PCDHA11: variants seen among roughly 807,000 people sequenced by gnomAD.
The protein encoded by PCDHA11 is protocadherin alpha 11, also known as protocadherin alpha-11.
Under a neutral mutation model 70.3 loss-of-function variants are expected in PCDHA11, and 61 were observed. The observed-to-expected ratio is 0.87, with a 90% CI of 0.71 to 1.07. PCDHA11 has a LOEUF of 1.07. Ranked by LOEUF, PCDHA11 falls within the 50% of genes least tolerant of loss-of-function variation. The pLI, the probability that PCDHA11 is intolerant of heterozygous loss-of-function variation, is 0.00. For synonymous variants in PCDHA11, 633 were observed against 555.1 expected (o/e 1.14, Z -1.97); for missense variants, 1,324 against 1,237.5 (o/e 1.07, Z -1.05).
rs367685277 is a variant in PCDHA11 at position 140,871,336 on chromosome 5, G to A, written c.2233G>A (p.Gly745Arg). 5.0e-6 allele frequency: 8 copies of A among 1,614,062 alleles called. No homozygotes were observed. The African/African-American group carries it at 9.3e-5, about 19-fold the overall frequency. Residue 745 changes from glycine to arginine, a missense_variant, in exon 1 of 4, where the codon GGG becomes AGG. Transcript: ENST00000398640. The part of the protein sequence containing the change: ...KPTLVCSRAV[G>R]SWSYSQQRRQ... ...CACGCTGGTGTGCTCCCGCGCGGTG[G>A]GGAGCTGGTCATACTCGCAGCAGAG...
intron 1 of PCDHA11, among the ~76,000 whole-genome samples, chr5:140,921,352 T>C (rs889434892): frequency 6.6e-6 from 1 of 152,190 alleles, no homozygotes; most frequent in Non-Finnish European, 1.5e-5. Context: ...TATATTTGCC[T>C]ATATTCAAGT....
In PCDHA11 at chr5:140,870,962, C is replaced by G. The variant is rs1489353896; in HGVS notation, c.1859C>G (p.Pro620Arg). 2 of 1,613,532 alleles carry G rather than the reference C, an allele frequency of 1.2e-6. No homozygotes were observed. The highest frequency in any genetic ancestry group is 1.3e-5 in the African/African-American group (1 of 74,930). Residue 620 changes from proline to arginine, a missense_variant, in exon 1 of 4, where the codon CCG becomes CGG. Transcript: ENST00000398640. The part of the protein sequence containing the change: ...LQPAAGGSRI[P>R]FRVGLYTGEI... ...CCGGCGGCGGGCGGCTCGCGCATCC[C>G]GTTCCGCGTGGGGCTGTACACGGGC...
intron 3 of PCDHA11, among the ~76,000 whole-genome samples, chr5:141,005,783 C>T (rs79683532): frequency 0.097 from 14,322 of 148,270 alleles, 898 homozygotes; most frequent in African/African-American, 0.18. Context: ...TGTAAAGATC[C>T]TGAGGCAAAA....
chr5:140,871,033 C>G lies in PCDHA11; in HGVS notation c.1930C>G (p.His644Asp), dbSNP rs201299652. Reference sequence around the variant, plus strand: ...CCTGGACGAGGCAGACTCGCCGCGCCACCGACTTCTAGTACTGGTGAAGGA... The same window carrying G: ...CCTGGACGAGGCAGACTCGCCGCGCGACCGACTTCTAGTACTGGTGAAGGA... ...RALDEADSPR[H>D]RLLVLVKDHG... The change falls in exon 1 of 4, where the codon CAC becomes GAC. Residue 644 changes from histidine to aspartate, a missense_variant. Transcript: ENST00000398640. The G allele has an allele frequency of 2.1e-4, 336 of 1,613,234 alleles. No homozygotes were observed. Among genetic ancestry groups the G allele is most frequent in the Non-Finnish European group, 2.7e-4 (317 of 1,179,866 alleles).
intron 1 of PCDHA11, among the ~76,000 whole-genome samples, chr5:140,917,473 C>G (rs1355146896): frequency 1.3e-5 from 2 of 152,196 alleles, no homozygotes; most frequent in Admixed American, 1.3e-4. Flanking sequence ...GTCATGAAAT[C>G]TTTGCCAGGG....
At position 140,996,204 on chromosome 5, in the gene PCDHA11, A is replaced by G. The variant is rs1405552013; in HGVS notation, c.2540-13423A>G. ...TCCATTTTATACCCTCAATGCAAGG[A>G]TATCACTACTTGTCTAGAAATGGTT... On this transcript the variant is annotated intron_variant, in intron 3 of 3. Coordinates refer to ENST00000398640, the MANE Select transcript of PCDHA11 (RefSeq NM_018902.5). Among the ~76,000 whole-genome samples the G allele has an allele frequency of 7.2e-5, 11 of 152,240 alleles. No homozygotes were observed. The South Asian group carries it at 2.3e-3, about 32-fold the overall frequency.
At chr5:140,968,464 C>T (rs1554230763) in intron 1 of PCDHA11, 4 of 1,613,996 alleles carry the variant, frequency 2.5e-6, no homozygotes, top group Admixed American at 1.7e-5. Flanking sequence ...TGACTGCCAA[C>T]GTATATGTGG....
intron 1 of PCDHA11, among the ~76,000 whole-genome samples, chr5:140,888,467 A>C (rs562447782): frequency 7.2e-5 from 11 of 152,334 alleles, no homozygotes; most frequent in African/African-American, 2.6e-4. Flanking sequence ...TCAAAATGTC[A>C]GTAGTTCCAC....
intron 1 of PCDHA11, among the ~76,000 whole-genome samples, chr5:140,919,300 C>A (rs547709389): frequency 6.6e-6 from 1 of 152,248 alleles, no homozygotes; most frequent in African/African-American, 2.4e-5. Flanking sequence ...GCTGTTTGTA[C>A]AATATATGTT....
chr5:140,907,623 G>A (rs553186767), intron 1 of PCDHA11, among the ~76,000 whole-genome samples: 3 of 152,234 alleles, frequency 2.0e-5, no homozygotes, highest in Non-Finnish European at 2.9e-5. Context: ...AGGGCTCAGT[G>A]TTGGTCTCTG....
intron 1 of PCDHA11, among the ~76,000 whole-genome samples, chr5:140,872,744 C>T (rs1359908128): frequency 6.6e-6 from 1 of 152,086 alleles, no homozygotes; most frequent in African/African-American, 2.4e-5. Flanking sequence ...TCTAAACTTG[C>T]TAAAGACATG....
chr5:140,961,716 G>A (rs2095631233), intron 1 of PCDHA11, among the ~76,000 whole-genome samples: 1 of 152,082 alleles, frequency 6.6e-6, no homozygotes, highest in African/African-American at 2.4e-5. Flanking sequence ...TCATTTCTAA[G>A]TGCTCATAAA....
rs570244920 is a variant in PCDHA11, at chr5:140,897,293, A to G, written c.2391+25799A>G. Reference sequence around the variant, plus strand: ...GGTGTGCTGCACCCATTAACTCGTCATTTAGCATTAGGTATATCTCCTAAA... The same window carrying G: ...GGTGTGCTGCACCCATTAACTCGTCGTTTAGCATTAGGTATATCTCCTAAA... On this transcript the variant is annotated intron_variant, in intron 1 of 3. Transcript: ENST00000398640. Among the ~76,000 whole-genome samples the G allele has an allele frequency of 1.2e-4, 18 of 149,820 alleles. No homozygotes were observed. In the South Asian group the frequency reaches 3.5e-3, roughly 29 times the overall value.
At chr5:140,891,223 C>T (rs903810382) in intron 1 of PCDHA11, among the ~76,000 whole-genome samples, 19 of 152,110 alleles carry the variant, frequency 1.2e-4, no homozygotes, top group Non-Finnish European at 2.2e-4. Flanking sequence ...TCTTTATAAT[C>T]ATCCTGTTCT....
intron 1 of PCDHA11, chr5:140,884,340 C>G (rs1480799859): frequency 1.2e-6 from 2 of 1,613,772 alleles, no homozygotes; most frequent in South Asian, 1.1e-5. Flanking sequence ...GGTCCAGAAG[C>G]GGCGCTGGTG....
Position 140,875,657 on chromosome 5 carries a change from G to T in PCDHA11, c.2391+4163G>T, listed in dbSNP as rs1241102848. 6 of 1,613,738 alleles carry T rather than the reference G, an allele frequency of 3.7e-6. No homozygotes were observed. The East Asian group carries it at 1.1e-4, about 30-fold the overall frequency. Reference sequence around the variant, plus strand: ...CTGGAGCTGGCGGAGCTGGTGCCGCGCCTGTTCCGGGTGGCGTCCAAAAGA... The same window carrying T: ...CTGGAGCTGGCGGAGCTGGTGCCGCTCCTGTTCCGGGTGGCGTCCAAAAGA... On this transcript the variant is annotated intron_variant, in intron 1 of 3. Coordinates refer to ENST00000398640, the MANE Select transcript of PCDHA11 (RefSeq NM_018902.5).
At chr5:140,927,094 G>C (rs555838945) in intron 1 of PCDHA11, 4 of 1,612,890 alleles carry the variant, frequency 2.5e-6, no homozygotes. Context: ...CTACTTCGGG[G>C]TGGATCTACC....
intron 3 of PCDHA11, among the ~76,000 whole-genome samples, chr5:140,995,046 A>C (rs193191582): frequency 1.9e-4 from 29 of 152,184 alleles, no homozygotes; most frequent in Non-Finnish European, 3.7e-4. Context: ...CCTTAACTCT[A>C]CTGAATTTTC....
intron 1 of PCDHA11, among the ~76,000 whole-genome samples, chr5:140,894,053 T>C (rs782239740): frequency 2.4e-4 from 37 of 152,336 alleles, no homozygotes; most frequent in Non-Finnish European, 5.1e-4. Context: ...CTCTGTTGAA[T>C]TGATTTTTAA....
Sources: allele counts gnomAD v4.1 joint callset (sites outside exome capture counted in the v4.1 genomes callset), GRCh38; gene constraint gnomAD v4.1.1; transcripts MANE v1.5; gene names NCBI Gene and HGNC (gene_info 2026-07-23, HGNC 2026-07-21).